The following ADAM2 variants were observed in gnomAD, a reference collection of about 807,000 sequenced individuals.
ADAM2 encodes the protein disintegrin and metalloproteinase domain-containing protein 2.
A neutral mutation model predicts 99.3 loss-of-function variants in ADAM2; 101 were observed. That is an observed-to-expected ratio of 1.02 (90% CI 0.87 to 1.20). ADAM2 has a LOEUF of 1.20. ADAM2 is among the 50% of genes most tolerant of loss of function. The probability of loss-of-function intolerance (pLI) is 0.00; values close to 1 mark genes in which losing one functional copy is unlikely to be tolerated. For synonymous variants in ADAM2, 323 were observed against 287.6 expected (o/e 1.12, Z -1.25); for missense variants, 948 against 878.7 (o/e 1.08, Z -1.00).
chr8:39,775,021 C>A (rs60589234), intron 11 of ADAM2, among the ~76,000 whole-genome samples: 1 of 151,744 alleles, frequency 6.6e-6, no homozygotes, highest in Non-Finnish European at 1.5e-5. Context: ...GAGGAAAGGT[C>A]GATATCAGCA....
intron 10 of ADAM2, among the ~76,000 whole-genome samples, chr8:39,782,449 T>C (rs1803270888): frequency 6.6e-6 from 1 of 152,142 alleles, no homozygotes; most frequent in Non-Finnish European, 1.5e-5. Flanking sequence ...TTTTGTATTA[T>C]CTAAAGTAAC....
chr8:39,752,571 T>C (rs924192853), intron 16 of ADAM2, among the ~76,000 whole-genome samples: 9 of 152,076 alleles, frequency 5.9e-5, no homozygotes, highest in Admixed American at 5.9e-4. Context: ...AAATCTCAGA[T>C]GGAAAGAAGC....
At chr8:39,760,644 C>T (rs1295039343) in intron 15 of ADAM2, among the ~76,000 whole-genome samples, 1 of 151,826 alleles carries the variant, frequency 6.6e-6, no homozygotes, top group African/African-American at 2.4e-5. Flanking sequence ...TGGCGTGAAC[C>T]CGGGAGGCGG....
At chr8:39,768,667 T>A (rs985859809) in intron 12 of ADAM2, among the ~76,000 whole-genome samples, 2 of 152,138 alleles carry the variant, frequency 1.3e-5, no homozygotes, top group African/African-American at 4.8e-5. Context: ...GGAATTTAGG[T>A]TAAATACTAG....
intron 16 of ADAM2, among the ~76,000 whole-genome samples, chr8:39,754,894 C>G (rs1802086834): frequency 6.6e-6 from 1 of 152,114 alleles, no homozygotes; most frequent in African/African-American, 2.4e-5. Flanking sequence ...ATATTGAATG[C>G]AAAGTAAGAA....
At chr8:39,751,361 A>ATTT (rs1801934433) in intron 16 of ADAM2, among the ~76,000 whole-genome samples, 1 of 152,208 alleles carries the variant, frequency 6.6e-6, no homozygotes, top group Non-Finnish European at 1.5e-5. Flanking sequence ...AAGTAAACCT[A>ATTT]ATTTTCAGAA....
chr8:39,834,103 T>A (rs890135480), intron 2 of ADAM2, 104 bp from the exon 3 acceptor site: 5 of 607,278 alleles, frequency 8.2e-6, no homozygotes, highest in African/African-American at 5.6e-5. Context: ...AACACATTCA[T>A]TTAATAAAAG....
At chr8:39,800,157 T>G (rs1804140829) in intron 7 of ADAM2, among the ~76,000 whole-genome samples, 1 of 152,242 alleles carries the variant, frequency 6.6e-6, no homozygotes, top group Non-Finnish European at 1.5e-5. Context: ...TTGCAGTGGC[T>G]GCTACTGGCT....
chr8:39,761,429 A>G lies in ADAM2; in HGVS notation c.1508-148T>C, dbSNP rs116631761. On this transcript the variant is annotated intron_variant, in intron 14 of 20. Transcript: ENST00000265708. ...ACATTCAAAATAAAAACTAGATTTA[A>G]GATCACACAAAACTACTTCAATGAA... 3.7e-3 allele frequency: 1,739 copies of G among 474,834 alleles called. 23 individuals are homozygous for G. The highest frequency in any genetic ancestry group is 0.031 in the African/African-American group (1,538 of 50,300). 29.4% of individuals were successfully genotyped at this position (474,834 alleles called of 1,614,324 possible). A position where few individuals can be genotyped will look rare whatever the true frequency, so the allele number is the denominator to read the frequency against.
In ADAM2 at chr8:39,806,001, G is replaced by C. The variant is rs1324155306; in HGVS notation, c.570+3409C>G. ...TAGCATCCATGCTCAGGGGAAATTG[G>C]AAAGGGCCAAGCTATGCACAATTTC... On this transcript the variant is annotated intron_variant, in intron 7 of 20. Transcript: ENST00000265708. 4.6e-5 allele frequency among the ~76,000 whole-genome samples: 7 copies of C among 152,286 alleles called. No individual in the cohort carries two copies. In the East Asian group the frequency reaches 1.3e-3, roughly 29 times the overall value.
At chr8:39,750,558 CA>C (rs1335074918) in intron 16 of ADAM2, among the ~76,000 whole-genome samples, 1 of 152,070 alleles carries the variant, frequency 6.6e-6, no homozygotes, top group Non-Finnish European at 1.5e-5. Flanking sequence ...CCTATAGATA[CA>C]AAGTTAGAAT....
intron 6 of ADAM2, among the ~76,000 whole-genome samples, chr8:39,817,127 GA>G (rs1204446024): frequency 1.3e-5 from 2 of 151,758 alleles, no homozygotes; most frequent in Non-Finnish European, 2.9e-5. Flanking sequence ...TTAAATCCTT[GA>G]AAAAAATAAA....
At chr8:39,819,477 C>T (rs992208724) in intron 6 of ADAM2, among the ~76,000 whole-genome samples, 5 of 151,942 alleles carry the variant, frequency 3.3e-5, no homozygotes, top group Non-Finnish European at 7.4e-5. Context: ...CTTGGCTGGG[C>T]CACTGTGCCC....
At chr8:39,759,408 T>C (rs1022368744) in intron 15 of ADAM2, among the ~76,000 whole-genome samples, 1 of 152,144 alleles carries the variant, frequency 6.6e-6, no homozygotes, top group Non-Finnish European at 1.5e-5. Context: ...TAAAGAACTC[T>C]AAAAATACAT....
At position 39,788,679 on chromosome 8, in the gene ADAM2, A is replaced by T. The variant is rs1803576205; in HGVS notation, c.632T>A (p.Leu211Ter). ...GAAGCAAAGACTTACAGCATTCGTC[A>T]ATCCAATCAACTGGAAAACTTTTTG... ...VAQKVFQLIG[L>*]TNAIFVSFNI... The change falls in exon 8 of 21, where the codon TTG (leucine) becomes TAG (stop). Residue 211 changes from leucine (L) to a stop codon, truncating the protein, a stop_gained. Coordinates refer to ENST00000265708, the MANE Select transcript of ADAM2 (RefSeq NM_001464.5). LOFTEE classifies it high-confidence loss of function. 6 of 1,579,746 alleles carry T rather than the reference A, an allele frequency of 3.8e-6. No homozygotes were observed. The East Asian group carries it at 1.2e-4, about 31-fold the overall frequency.
intron 7 of ADAM2, among the ~76,000 whole-genome samples, chr8:39,793,947 G>T (rs557093779): frequency 7.0e-4 from 106 of 152,212 alleles, no homozygotes; most frequent in African/African-American, 2.5e-3. Context: ...AAGATTTGTT[G>T]TCTAAAAAGG....
At chr8:39,776,129 T>G (rs1802979080) in intron 11 of ADAM2, among the ~76,000 whole-genome samples, 1 of 152,130 alleles carries the variant, frequency 6.6e-6, no homozygotes, top group Non-Finnish European at 1.5e-5. Context: ...CCTGCTGCAG[T>G]GCACTTTTCA....
chr8:39,762,103 G>A (rs1261520286), intron 14 of ADAM2, among the ~76,000 whole-genome samples: 2 of 152,084 alleles, frequency 1.3e-5, no homozygotes, highest in African/African-American at 4.8e-5. Flanking sequence ...AGAAAAAAAA[G>A]CTTCAACCTA....
chr8:39,778,179 C>T (rs1803076793), intron 10 of ADAM2, among the ~76,000 whole-genome samples: 1 of 151,646 alleles, frequency 6.6e-6, no homozygotes, highest in African/African-American at 2.4e-5. Flanking sequence ...TCCTGCTACC[C>T]CTTCAAATAT....
Sources: allele counts gnomAD v4.1 joint callset (sites outside exome capture counted in the v4.1 genomes callset), GRCh38; gene constraint gnomAD v4.1.1; transcripts MANE v1.5; gene names NCBI Gene and HGNC (gene_info 2026-07-23, HGNC 2026-07-21).